The following DCDC2 variants were observed in gnomAD, a reference collection of about 807,000 sequenced individuals.
DCDC2 encodes doublecortin domain containing 2.
In DCDC2, 40 loss-of-function variants were observed where a neutral mutation model predicts 50.2. The ratio of observed to expected loss-of-function variants is 0.80; its 90% CI spans 0.62 to 1.04. The LOEUF is 1.04. Among genes scored for constraint, DCDC2 ranks in the 50% least tolerant of loss-of-function variants. The pLI is 0.00. For synonymous variants in DCDC2, 234 were observed against 210.6 expected, an observed-to-expected ratio of 1.11 and a Z score of -0.96; for missense variants, 570 against 581.9, an observed-to-expected ratio of 0.98 and a Z score of 0.21.
In DCDC2 at chr6:24,289,940, G is replaced by A. The variant is rs533457063; in HGVS notation, c.704+992C>T. ...GATCCCTGGGCACCATGAGCAAGCC[G>A]AGAGATCCTGCAGCATGGGCCAGAG... On this transcript the variant is annotated intron_variant, in intron 5 of 9. Coordinates refer to ENST00000378454, the MANE Select transcript of DCDC2 (RefSeq NM_016356.5). Among the ~76,000 whole-genome samples, 68 of 142,646 alleles carry A rather than the reference G, an allele frequency of 4.8e-4. No individual in the cohort carries two copies. In the South Asian group the frequency reaches 0.015, roughly 32 times the overall value. The allele number at this position is 142,646 out of a possible 152,430, so 93.6% of individuals were successfully genotyped here.
intron 8 of DCDC2, among the ~76,000 whole-genome samples, chr6:24,186,474 C>T (rs1235270676): frequency 3.9e-5 from 6 of 152,178 alleles, no homozygotes; most frequent in African/African-American, 1.4e-4. Flanking sequence ...CACATACCTG[C>T]GTGCACATGC....
intron 2 of DCDC2, among the ~76,000 whole-genome samples, chr6:24,349,703 T>C (rs889748799): frequency 1.3e-5 from 2 of 152,096 alleles, no homozygotes; most frequent in African/African-American, 4.8e-5. Context: ...GTTACCACGG[T>C]CAGAAGCTAA....
the DCDC2 span, among the ~76,000 whole-genome samples, chr6:24,364,606 A>G: frequency 1.3e-5 from 2 of 152,254 alleles, no homozygotes; most frequent in African/African-American, 4.8e-5. Flanking sequence ...AGAGGCTGGA[A>G]CATAGTAAGT....
At chr6:24,200,680 C>T (rs1200047585) in intron 8 of DCDC2, among the ~76,000 whole-genome samples, 5 of 152,114 alleles carry the variant, frequency 3.3e-5, no homozygotes, top group African/African-American at 1.2e-4. Context: ...GGGCTAAACG[C>T]CCCAATTAAA....
At chr6:24,310,857 A>G (rs1759558825) in intron 2 of DCDC2, among the ~76,000 whole-genome samples, 1 of 152,202 alleles carries the variant, frequency 6.6e-6, no homozygotes, top group South Asian at 2.1e-4. Context: ...CACAGGACAC[A>G]TCGTTACCAC....
chr6:24,337,686 T>C (rs1052481169), intron 2 of DCDC2, among the ~76,000 whole-genome samples: 28 of 151,390 alleles, frequency 1.8e-4, no homozygotes, highest in Admixed American at 1.6e-3. Context: ...TGATCCCAAC[T>C]ACTTGGGAGG....
chr6:24,305,797 G>T (rs193223407), intron 2 of DCDC2, among the ~76,000 whole-genome samples: 13 of 149,854 alleles, frequency 8.7e-5, no homozygotes, highest in South Asian at 2.1e-4. Flanking sequence ...GAGGCCAAGG[G>T]GGGGTGGATC....
chr6:24,252,743 C>A (rs943977771), intron 7 of DCDC2, among the ~76,000 whole-genome samples: 1 of 152,118 alleles, frequency 6.6e-6, no homozygotes, highest in Non-Finnish European at 1.5e-5. Flanking sequence ...AGTGATAACA[C>A]AAAAACATTC....
chr6:24,244,569 G>C (rs1187145974), intron 7 of DCDC2, among the ~76,000 whole-genome samples: 3 of 152,210 alleles, frequency 2.0e-5, no homozygotes, highest in African/African-American at 7.2e-5. Flanking sequence ...GGGAAGAACT[G>C]CCCTTGGGCA....
chr6:24,373,156 G>T, the DCDC2 span, among the ~76,000 whole-genome samples: 3 of 152,120 alleles, frequency 2.0e-5, no homozygotes, highest in Admixed American at 1.3e-4. Flanking sequence ...TATAAATAGG[G>T]ACAACCACAT....
chr6:24,274,224 G>C (rs12189861), intron 7 of DCDC2, among the ~76,000 whole-genome samples: 2 of 151,992 alleles, frequency 1.3e-5, no homozygotes, highest in African/African-American at 4.8e-5. Flanking sequence ...CGTTCACAAG[G>C]GTTCTAAAAG....
upstream of DCDC2, among the ~76,000 whole-genome samples, chr6:24,360,109 C>A (rs747668722): frequency 6.6e-6 from 1 of 152,232 alleles, no homozygotes; most frequent in Non-Finnish European, 1.5e-5. Flanking sequence ...CCTCTGCGGG[C>A]CTCTCTCACC....
At chr6:24,363,538 A>G in the DCDC2 span, among the ~76,000 whole-genome samples, 1 of 152,106 alleles carries the variant, frequency 6.6e-6, no homozygotes, top group African/African-American at 2.4e-5. Flanking sequence ...CCAACAAGGC[A>G]TTTGCTGTTT....
At chr6:24,289,980 T>TC (rs1561760531) in intron 5 of DCDC2, among the ~76,000 whole-genome samples, 9 of 51,968 alleles carry the variant, frequency 1.7e-4, no homozygotes, top group African/African-American at 4.2e-4. Context: ...TCTTTTTTTT[T>TC]TTTTTTTTTT....
At chr6:24,245,777 G>A (rs1457056054) in intron 7 of DCDC2, among the ~76,000 whole-genome samples, 1 of 152,042 alleles carries the variant, frequency 6.6e-6, no homozygotes, top group African/African-American at 2.4e-5. Context: ...TGATTAGAGA[G>A]ATCAAAGACA....
chr6:24,190,209 CG>C (rs1325321444), intron 8 of DCDC2, among the ~76,000 whole-genome samples: 4 of 152,088 alleles, frequency 2.6e-5, no homozygotes, highest in Non-Finnish European at 5.9e-5. Flanking sequence ...CTGTCTCACC[CG>C]GGTCCCTTTA....
At chr6:24,208,884 A>G (rs1761788268) in intron 7 of DCDC2, among the ~76,000 whole-genome samples, 1 of 152,240 alleles carries the variant, frequency 6.6e-6, no homozygotes, top group African/African-American at 2.4e-5. Context: ...AGCATTATAT[A>G]AACACCAAAT....
chr6:24,273,378 T>C (rs995539872), intron 7 of DCDC2, among the ~76,000 whole-genome samples: 5 of 152,198 alleles, frequency 3.3e-5, no homozygotes, highest in African/African-American at 1.2e-4. Context: ...GACTTCACCA[T>C]GACACAATAC....
At chr6:24,275,430 A>G (rs1486271687) in intron 7 of DCDC2, among the ~76,000 whole-genome samples, 3 of 152,130 alleles carry the variant, frequency 2.0e-5, no homozygotes, top group African/African-American at 7.2e-5. Context: ...TTTTTCCTGG[A>G]AAAAAATTGT....
Sources: gnomAD v4.1 joint callset for allele counts (sites outside exome capture counted in the v4.1 genomes callset) on GRCh38, gnomAD v4.1.1 for gene constraint, MANE v1.5 for transcripts, NCBI Gene and HGNC (gene_info 2026-07-23, HGNC 2026-07-21) for gene names.